Variants in KANSL1 observed in about 807,000 individuals in gnomAD.
KANSL1 encodes MLL1/MLL complex subunit KANSL1.
KANSL1 carries 22 observed loss-of-function variants against 103.6 expected under a neutral mutation model. That is an observed-to-expected ratio of 0.21 (90% CI 0.15 to 0.30). The LOEUF (loss-of-function observed/expected upper bound fraction) is 0.30, where lower values mean the gene tolerates loss of function less well. Ranked by LOEUF, KANSL1 falls within the 10% of genes least tolerant of loss-of-function variation. The probability of loss-of-function intolerance (pLI) is 1.00; values close to 1 mark genes in which losing one functional copy is unlikely to be tolerated. For synonymous variants in KANSL1, 600 were observed against 527.6 expected (o/e 1.14, Z -1.88); for missense variants, 1,337 against 1,399.8 (o/e 0.96, Z 0.72).
chr17:46,106,023 G>A (rs1371454376), intron 2 of KANSL1, among the ~76,000 whole-genome samples: 1 of 151,888 alleles, frequency 6.6e-6, no homozygotes, highest in African/African-American at 2.4e-5. Flanking sequence ...TACTACCCCA[G>A]TCCCACATAT....
intron 1 of KANSL1, among the ~76,000 whole-genome samples, chr17:46,173,733 T>C (rs2046392379): frequency 6.6e-6 from 1 of 152,278 alleles, no homozygotes; most frequent in Non-Finnish European, 1.5e-5. Context: ...ATAGTCATTA[T>C]ACTCTCCACT....
intron 2 of KANSL1, among the ~76,000 whole-genome samples, chr17:46,167,185 T>C (rs977106168): frequency 6.6e-6 from 1 of 151,514 alleles, no homozygotes; most frequent in Non-Finnish European, 1.5e-5. Flanking sequence ...AGTTACTATA[T>C]AGAAGTTTAT....
chr17:46,140,229 C>T (rs982246656), intron 2 of KANSL1, among the ~76,000 whole-genome samples: 20 of 152,066 alleles, frequency 1.3e-4, no homozygotes, highest in African/African-American at 1.9e-4. Flanking sequence ...TCTATACAAC[C>T]GGAAAAAATT....
intron 2 of KANSL1, among the ~76,000 whole-genome samples, chr17:46,158,202 T>C (rs1390307597): frequency 6.6e-6 from 1 of 152,264 alleles, no homozygotes; most frequent in Non-Finnish European, 1.5e-5. Context: ...AAATGAACTT[T>C]ATAATCTGCA....
intron 2 of KANSL1, among the ~76,000 whole-genome samples, chr17:46,134,670 C>A (rs960871319): frequency 5.9e-5 from 9 of 151,892 alleles, no homozygotes; most frequent in African/African-American, 2.2e-4. Context: ...CGAAACCCCA[C>A]CTCTACCAAA....
At chr17:46,168,789 T>G (rs1351341420) in intron 2 of KANSL1, among the ~76,000 whole-genome samples, 1 of 152,264 alleles carries the variant, frequency 6.6e-6, no homozygotes, top group Non-Finnish European at 1.5e-5. Flanking sequence ...GATCCCAAAA[T>G]GTTTCCTAAA....
Position 46,172,248 on chromosome 17 carries a change from GAA to G in KANSL1, c.-89-18_-89-17del. On this transcript the variant is annotated splice_polypyrimidine_tract_variant and intron_variant, in intron 1 of 14. Coordinates refer to ENST00000432791, the MANE Select transcript of KANSL1 (RefSeq NM_015443.4). ...AGAGAACAGACTAGAAGAGAAAGGA[GAA>G]AAGAATATTAGAAATACAAGCACTT... 9.1e-7 allele frequency: 1 copy of G among 1,104,586 alleles called. No individual in the cohort carries two copies. The allele number at this position is 1,104,586 out of a possible 1,614,324, so 68.4% of individuals were successfully genotyped here.
rs758751267 is a variant in KANSL1 at position 46,033,385 on chromosome 17, G to C, written c.2724+18C>G. 6.2e-7 allele frequency: 1 copy of C among 1,612,930 alleles called. No homozygotes were observed. Among genetic ancestry groups the C allele is most frequent in the Non-Finnish European group, 8.5e-7 (1 of 1,178,962 alleles). On this transcript the variant is annotated intron_variant, in intron 12 of 14. Transcript: ENST00000432791. ...TGTGTACACACGTGTTCTTCTAACA[G>C]AAGAACCAGGCCATTACCTCTTCAT...
chr17:46,174,641 TGG>T (rs1474461782), intron 1 of KANSL1, among the ~76,000 whole-genome samples: 1 of 152,234 alleles, frequency 6.6e-6, no homozygotes, highest in Non-Finnish European at 1.5e-5. Flanking sequence ...AAATCATGCA[TGG>T]GTAAAAAGTT....
In KANSL1 at chr17:46,147,803, C is replaced by T. The variant is rs140950614; in HGVS notation, c.1289+23052G>A. On this transcript the variant is annotated intron_variant, in intron 2 of 14. Transcript: ENST00000432791. ...CTGCTGTTAATAGAAGACTATATGA[C>T]GGTATTTTCTCGAAGTTTGGTACAA... Among the ~76,000 whole-genome samples the T allele has an allele frequency of 2.2e-4, 33 of 152,276 alleles. No individual in the cohort carries two copies. The East Asian group carries it at 5.6e-3, about 26-fold the overall frequency.
chr17:46,093,343 C>T (rs1378677786), intron 3 of KANSL1: 3 of 152,516 alleles, frequency 2.0e-5, no homozygotes, highest in Admixed American at 6.5e-5. Context: ...TAGTTTTGTT[C>T]CAGCTAATTT....
At chr17:46,068,742 T>C (rs1487549622) in intron 4 of KANSL1, among the ~76,000 whole-genome samples, 2 of 152,100 alleles carry the variant, frequency 1.3e-5, no homozygotes, top group African/African-American at 4.8e-5. Context: ...TGAGAAAGAA[T>C]AGAAAAAGTG....
At chr17:46,062,711 G>C (rs986741223) in intron 6 of KANSL1, among the ~76,000 whole-genome samples, 2 of 151,680 alleles carry the variant, frequency 1.3e-5, no homozygotes, top group African/African-American at 4.8e-5. Flanking sequence ...TCAATTTTAA[G>C]ATATATTCCA....
chr17:46,117,972 A>G (rs908170279), intron 2 of KANSL1, among the ~76,000 whole-genome samples: 1 of 152,238 alleles, frequency 6.6e-6, no homozygotes, highest in Non-Finnish European at 1.5e-5. Flanking sequence ...GCTTCAGAAC[A>G]CTGCTGACAA....
intron 2 of KANSL1, among the ~76,000 whole-genome samples, chr17:46,136,950 A>G (rs2044176282): frequency 6.6e-6 from 1 of 152,262 alleles, no homozygotes; most frequent in Admixed American, 6.5e-5. Flanking sequence ...AATCCCACAA[A>G]CAGCAGCTAA....
intron 4 of KANSL1, among the ~76,000 whole-genome samples, chr17:46,074,943 G>C (rs866563800): frequency 4.6e-5 from 7 of 152,160 alleles, no homozygotes; most frequent in East Asian, 1.9e-4. Flanking sequence ...CTGTGGTGTA[G>C]AGAAGGGTAC....
At chr17:46,210,918 G>T (rs2732628) in intron 1 of KANSL1, among the ~76,000 whole-genome samples, 6 of 152,198 alleles carry the variant, frequency 3.9e-5, no homozygotes, top group Admixed American at 6.5e-5. Flanking sequence ...AGCAGTTCCC[G>T]TGTAGACAAA....
intron 2 of KANSL1, among the ~76,000 whole-genome samples, chr17:46,095,684 T>C (rs1454480877): frequency 6.6e-5 from 10 of 152,226 alleles, no homozygotes; most frequent in African/African-American, 2.4e-4. Context: ...TCTTAGATAA[T>C]ACACAAAGAT....
chr17:46,176,890 G>C (rs2046547583), intron 1 of KANSL1, among the ~76,000 whole-genome samples: 2 of 152,220 alleles, frequency 1.3e-5, no homozygotes, highest in African/African-American at 4.8e-5. Flanking sequence ...GGAGGAGAGA[G>C]AGTGCAGAGA....
Sources: allele counts gnomAD v4.1 joint callset (sites outside exome capture counted in the v4.1 genomes callset), GRCh38; gene constraint gnomAD v4.1.1; transcripts MANE v1.5; gene names NCBI Gene and HGNC (gene_info 2026-07-23, HGNC 2026-07-21).